The following RBMS3 variants were observed in gnomAD, a reference collection of about 807,000 sequenced individuals.
RBMS3 encodes the protein RNA-binding motif, single-stranded-interacting protein 3.
In RBMS3, 27 loss-of-function variants were observed where a neutral mutation model predicts 66.8. That is an observed-to-expected ratio of 0.40 (90% CI 0.30 to 0.56). The LOEUF (loss-of-function observed/expected upper bound fraction) is 0.56. Among genes scored for constraint, RBMS3 ranks in the 20% least tolerant of loss-of-function variants. The pLI is 0.40. For synonymous variants in RBMS3, 188 were observed against 183.0 expected (o/e 1.03, Z -0.22); for missense variants, 513 against 549.5 (o/e 0.93, Z 0.66).
intron 1 of RBMS3, among the ~76,000 whole-genome samples, chr3:29,291,119 T>C (rs991019634): frequency 1.1e-4 from 16 of 151,864 alleles, no homozygotes; most frequent in Non-Finnish European, 1.6e-4. Flanking sequence ...ATGAATAAAG[T>C]TGACAATGTA....
chr3:29,881,390 A>G (rs2059733654), intron 7 of RBMS3, among the ~76,000 whole-genome samples: 2 of 152,140 alleles, frequency 1.3e-5, no homozygotes, highest in Non-Finnish European at 2.9e-5. Context: ...CGCTTTACAA[A>G]CGTAATCTCT....
At chr3:29,353,602 C>T (rs1289820946) in intron 1 of RBMS3, among the ~76,000 whole-genome samples, 1 of 151,974 alleles carries the variant, frequency 6.6e-6, no homozygotes, top group Non-Finnish European at 1.5e-5. Flanking sequence ...AATTATTCAT[C>T]ATGGAATCTC....
chr3:29,796,247 A>C (rs2057179867), intron 6 of RBMS3, among the ~76,000 whole-genome samples: 2 of 152,232 alleles, frequency 1.3e-5, no homozygotes, highest in South Asian at 4.1e-4. Flanking sequence ...TACAGGCCTG[A>C]GCCACCGTGC....
intron 3 of RBMS3, among the ~76,000 whole-genome samples, chr3:29,584,797 T>A (rs988971373): frequency 8.5e-5 from 13 of 152,220 alleles, no homozygotes; most frequent in Non-Finnish European, 1.3e-4. Context: ...CCCTATTTCA[T>A]TGCCAGCTGC....
chr3:29,774,829 G>GT (rs1441112046), intron 6 of RBMS3, among the ~76,000 whole-genome samples: 6 of 151,868 alleles, frequency 4.0e-5, no homozygotes, highest in Non-Finnish European at 8.8e-5. Context: ...TTTTTATTCT[G>GT]TTTTTGAAAA....
intron 1 of RBMS3, among the ~76,000 whole-genome samples, chr3:29,343,492 A>T (rs1208677587): frequency 6.6e-6 from 1 of 152,196 alleles, no homozygotes; most frequent in Non-Finnish European, 1.5e-5. Flanking sequence ...TGTCTAATTA[A>T]TAGACTATAG....
chr3:29,973,972 G>A (rs1697392111), intron 12 of RBMS3, among the ~76,000 whole-genome samples: 1 of 151,762 alleles, frequency 6.6e-6, no homozygotes, highest in South Asian at 2.1e-4. Context: ...TGTCTTTCCT[G>A]TGCTTCACCT....
Position 29,968,498 on chromosome 3 carries a change from C to T in RBMS3, c.1099-19645C>T, listed in dbSNP as rs536008609. ...GGCAGGAATGGGCTGCTTGAGGACC[C>T]GGTGAGCTCCCAGGGCCTTTCTGCT... is the stretch of plus-strand genomic sequence containing the variant. On this transcript the variant is annotated intron_variant, in intron 12 of 14. Coordinates refer to ENST00000383767, the MANE Select transcript of RBMS3 (RefSeq NM_001003793.3). Among the ~76,000 whole-genome samples the T allele has an allele frequency of 1.4e-4, 21 of 152,296 alleles. 1 individual carries two copies. The highest frequency in any genetic ancestry group is 1.4e-3 in the Admixed American group (21 of 15,290).
At chr3:29,837,154 C>T (rs2058531838) in intron 6 of RBMS3, among the ~76,000 whole-genome samples, 1 of 151,872 alleles carries the variant, frequency 6.6e-6, no homozygotes, top group African/African-American at 2.4e-5. Flanking sequence ...AATTTTTTTT[C>T]TTGATACTTA....
chr3:29,627,249 G>A (rs967551402), intron 4 of RBMS3, among the ~76,000 whole-genome samples: 1 of 151,334 alleles, frequency 6.6e-6, no homozygotes, highest in African/African-American at 2.4e-5. Context: ...TATAAAGTGA[G>A]TATCTCTGTC....
At chr3:29,484,117 A>G (rs2043237695) in intron 2 of RBMS3, among the ~76,000 whole-genome samples, 2 of 152,236 alleles carry the variant, frequency 1.3e-5, no homozygotes, top group African/African-American at 2.4e-5. Context: ...CTTAGGTAAG[A>G]GCTTGGAAGG....
chr3:29,415,452 GC>G (rs1397340946), intron 1 of RBMS3, among the ~76,000 whole-genome samples: 2 of 152,202 alleles, frequency 1.3e-5, no homozygotes, highest in African/African-American at 4.8e-5. Flanking sequence ...CTGGCCCAGA[GC>G]CCTTGAATGT....
At chr3:29,491,992 CG>C (rs1229926546) in intron 3 of RBMS3, among the ~76,000 whole-genome samples, 1 of 99,488 alleles carries the variant, frequency 1.0e-5, no homozygotes, top group Admixed American at 1.2e-4. Flanking sequence ...GGCTCAGTCT[CG>C]AAAAAAAAAA....
At chr3:29,917,528 A>G (rs181956562) in intron 10 of RBMS3, among the ~76,000 whole-genome samples, 120 of 152,220 alleles carry the variant, frequency 7.9e-4, no homozygotes, top group African/African-American at 2.7e-3. Context: ...AGAGAAATCA[A>G]ATCAGTATTT....
At chr3:29,926,031 A>G (rs2060928088) in intron 10 of RBMS3, among the ~76,000 whole-genome samples, 1 of 152,196 alleles carries the variant, frequency 6.6e-6, no homozygotes, top group South Asian at 2.1e-4. Context: ...ACAGTTTTAA[A>G]TATATTAATT....
At chr3:29,928,440 T>C (rs1458385099) in intron 10 of RBMS3, among the ~76,000 whole-genome samples, 1 of 151,938 alleles carries the variant, frequency 6.6e-6, no homozygotes, top group Non-Finnish European at 1.5e-5. Context: ...AGCTTTATAG[T>C]CTTTTGTCTT....
intron 8 of RBMS3, among the ~76,000 whole-genome samples, chr3:29,892,993 T>C (rs150616476): frequency 6.6e-6 from 1 of 151,464 alleles, no homozygotes; most frequent in Non-Finnish European, 1.5e-5. Flanking sequence ...TGTATTTTCT[T>C]TAGATAGGTA....
intron 4 of RBMS3, among the ~76,000 whole-genome samples, chr3:29,660,838 A>T (rs2149228672): frequency 6.6e-6 from 1 of 152,296 alleles, no homozygotes; most frequent in South Asian, 2.1e-4. Context: ...AAAGAGAAAA[A>T]TGAAGGGAAT....
At chr3:29,918,612 A>T (rs1577142975) in intron 10 of RBMS3, among the ~76,000 whole-genome samples, 1 of 152,110 alleles carries the variant, frequency 6.6e-6, no homozygotes, top group Non-Finnish European at 1.5e-5. Flanking sequence ...CCTTAATGTT[A>T]TAAATATTGT....
Sources: allele counts gnomAD v4.1 joint callset (sites outside exome capture counted in the v4.1 genomes callset), GRCh38; gene constraint gnomAD v4.1.1; transcripts MANE v1.5; gene names NCBI Gene and HGNC (gene_info 2026-07-23, HGNC 2026-07-21).